The following MMP15 variants were observed in gnomAD, a reference collection of about 807,000 sequenced individuals.
The protein encoded by MMP15 is matrix metallopeptidase 15.
A neutral mutation model predicts 65.0 loss-of-function variants in MMP15; 36 were observed. That is an observed-to-expected ratio of 0.55 (90% CI 0.42 to 0.73). MMP15 has a LOEUF of 0.73. Among genes scored for constraint, MMP15 ranks in the 30% least tolerant of loss-of-function variants. The pLI is 0.00. For missense variants in MMP15, 870 were observed against 987.8 expected (o/e 0.88, Z 1.60); for synonymous variants, 428 against 410.2 (o/e 1.04, Z -0.52).
intron 9 of MMP15, 40 bp from the exon 10 acceptor site, chr16:58,044,967 G>A (rs62041801): frequency 6.8e-5 from 109 of 1,610,138 alleles, no homozygotes; most frequent in Middle Eastern, 1.6e-4. Flanking sequence ...CTGGTGGTTC[G>A]GCTCAACCTG....
intron 1 of MMP15, 96 bp downstream of exon 1, chr16:58,026,608 G>T: frequency 8.1e-7 from 1 of 1,234,442 alleles, no homozygotes; most frequent in East Asian, 3.2e-5. Flanking sequence ...AGGGAGCGGA[G>T]ACGCGCCCCC....
At chr16:58,029,859 C>T (rs1963871641) in intron 1 of MMP15, among the ~76,000 whole-genome samples, 1 of 152,156 alleles carries the variant, frequency 6.6e-6, no homozygotes, top group South Asian at 2.1e-4. Flanking sequence ...CCACTGCTAT[C>T]TCTTATGCCC....
chr16:58,041,902 G>A, intron 6 of MMP15, 32 bp downstream of exon 6: 9 of 1,541,950 alleles, frequency 5.8e-6, no homozygotes, highest in Non-Finnish European at 7.9e-6. Flanking sequence ...CTGGCCCTGA[G>A]CCTTTTCCCT....
chr16:58,029,190 G>A (rs1377363590), intron 1 of MMP15, among the ~76,000 whole-genome samples: 1 of 152,244 alleles, frequency 6.6e-6, no homozygotes, highest in African/African-American at 2.4e-5. Context: ...ATGAGGCAGC[G>A]GGGGTGGGGG....
chr16:58,040,780 A>G, intron 5 of MMP15, 82 bp downstream of exon 5: 1 of 1,585,382 alleles, frequency 6.3e-7, no homozygotes, highest in Non-Finnish European at 8.6e-7. Context: ...TGCCATCCCC[A>G]TTTTGTAGAT....
Position 58,043,329 on chromosome 16 carries a change from A to C in MMP15, c.1423A>C (p.Thr475Pro). The part of the protein sequence containing the change: ...RIDTAIWWEP[T>P]GHTFFFQEDR... ...TGACACGGCCATCTGGTGGGAGCCC[A>C]CAGGCCACACCTTCTTCTTCCAAGA... Residue 475 changes from threonine to proline, a missense_variant, in exon 8 of 10, where the codon ACA (threonine) becomes CCA (proline). Coordinates refer to ENST00000219271, the MANE Select transcript of MMP15 (RefSeq NM_002428.4). The C allele has an allele frequency of 6.2e-7, 1 of 1,605,388 alleles. No individual in the cohort carries two copies. Among genetic ancestry groups the C allele is most frequent in the Non-Finnish European group, 8.5e-7 (1 of 1,174,832 alleles).
At chr16:58,043,164 C>T in intron 7 of MMP15, 46 bp from the exon 8 acceptor site, 2 of 1,503,652 alleles carry the variant, frequency 1.3e-6, no homozygotes, top group Non-Finnish European at 1.8e-6. Context: ...GCACACACCC[C>T]TCAGCCCCAG....
intron 1 of MMP15, among the ~76,000 whole-genome samples, chr16:58,029,282 C>T (rs1034768876): frequency 3.9e-5 from 6 of 152,258 alleles, no homozygotes; most frequent in African/African-American, 1.4e-4. Flanking sequence ...TCAGTCTCTA[C>T]TAGCACTTCC....
intron 2 of MMP15, 34 bp downstream of exon 2, chr16:58,037,654 A>G (rs756253969): frequency 6.2e-7 from 1 of 1,613,484 alleles, no homozygotes; most frequent in South Asian, 1.1e-5. Context: ...CCCCACAGGC[A>G]CCTGCCTTCC....
Position 58,040,044 on chromosome 16 carries a change from G to T in MMP15, c.610G>T (p.Gly204Cys). The T allele has an allele frequency of 6.2e-7, 1 of 1,614,166 alleles. No individual in the cohort carries two copies. Among genetic ancestry groups the T allele is most frequent in the Admixed American group, 1.7e-5 (1 of 60,034 alleles). ...EADIMVLFAS[G>C]FHGDSSPFDG... ...CGACATCATGGTACTCTTTGCCTCT[G>T]GCTTCCACGGCGACAGCTCGCCGTT... The change falls in exon 4 of 10, where the codon GGC becomes TGC. Residue 204 changes from glycine (G) to cysteine (C), a missense_variant. Transcript: ENST00000219271.
chr16:58,043,300 G>T lies in MMP15; in HGVS notation c.1394G>T (p.Arg465Leu). Residue 465 changes from arginine (R) to leucine (L), a missense_variant, in exon 8 of 10, where the codon CGC becomes CTC. By Grantham distance (102) the Arg-to-Leu change is moderately radical (BLOSUM62 -2). Coordinates refer to ENST00000219271, the MANE Select transcript of MMP15 (RefSeq NM_002428.4). ...TATGGCCTGGGCATCCCCTATGACCGCATTGACACGGCCATCTGGTGGGAG... is the reference window on the plus strand; with the variant it reads ...TATGGCCTGGGCATCCCCTATGACCTCATTGACACGGCCATCTGGTGGGAG... Reference protein sequence around the residue: ...TSYGLGIPYDRIDTAIWWEPT... With the variant: ...TSYGLGIPYDLIDTAIWWEPT... The T allele has an allele frequency of 1.9e-6, 3 of 1,604,812 alleles. No individual in the cohort carries two copies. Among genetic ancestry groups the T allele is most frequent in the South Asian group, 1.1e-5 (1 of 89,646 alleles).
chr16:58,040,055 C>T lies in MMP15; in HGVS notation c.621C>T (p.Gly207=), dbSNP rs763783085. Residue 207 remains glycine, a synonymous_variant, in exon 4 of 10, where the codon GGC becomes GGT. Transcript: ENST00000219271. ...TACTCTTTGCCTCTGGCTTCCACGG[C>T]GACAGCTCGCCGTTTGATGGCACCG... ...IMVLFASGFH[G]DSSPFDGTGG... 2.5e-6 allele frequency: 4 copies of T among 1,614,138 alleles called. No individual in the cohort carries two copies. Among genetic ancestry groups the T allele is most frequent in the South Asian group, 2.2e-5 (2 of 91,088 alleles).
chr16:58,040,862 A>G (rs1370304375), intron 5 of MMP15, 164 bp downstream of exon 5: 1 of 1,117,386 alleles, frequency 8.9e-7, no homozygotes, highest in African/African-American at 1.5e-5. Context: ...GGTACTGGAA[A>G]TGAAACCCAG....
At chr16:58,037,418 T>C (rs1959352473) in intron 1 of MMP15, 54 bp from the exon 2 acceptor site, 8 of 1,594,414 alleles carry the variant, frequency 5.0e-6, no homozygotes, top group Admixed American at 1.7e-5. Flanking sequence ...AGGCTGTGCA[T>C]GTTTGGAGGT....
chr16:58,043,587 C>T lies in MMP15; in HGVS notation c.1530C>T (p.Ile510=). The T allele has an allele frequency of 6.2e-7, 1 of 1,613,474 alleles. No homozygotes were observed. The highest frequency in any genetic ancestry group is 8.5e-7 in the Non-Finnish European group (1 of 1,179,754). The change falls in exon 9 of 10, where the codon ATC becomes ATT. Residue 510 remains isoleucine, a synonymous_variant. Coordinates refer to ENST00000219271, the MANE Select transcript of MMP15 (RefSeq NM_002428.4). ...AGCCCATCAGTGTCTGGCAGGGGATCCCTGCCTCCCCTAAAGGGGCCTTCC... is the reference window on the plus strand; with the variant it reads ...AGCCCATCAGTGTCTGGCAGGGGATTCCTGCCTCCCCTAAAGGGGCCTTCC... The part of the protein sequence containing the change: ...YPKPISVWQG[I]PASPKGAFLS...
In MMP15 at chr16:58,040,670, C is replaced by T. The variant is rs372449459; in HGVS notation, c.882C>T (p.Asp294=). Residue 294 remains aspartate (D), a synonymous_variant, in exon 5 of 10, where the codon GAC becomes GAT. Coordinates refer to ENST00000219271, the MANE Select transcript of MMP15 (RefSeq NM_002428.4). ...KDVDNFKLPE[D]DLRGIQQLYG... Reference sequence around the variant, plus strand: ...TTGACAACTTCAAGCTGCCCGAGGACGATCTCCGTGGCATCCAGCAGCTCT... The same window carrying T: ...TTGACAACTTCAAGCTGCCCGAGGATGATCTCCGTGGCATCCAGCAGCTCT... The T allele has an allele frequency of 3.5e-5, 57 of 1,614,192 alleles. No homozygotes were observed. Among genetic ancestry groups the T allele is most frequent in the Admixed American group, 2.3e-4 (14 of 60,038 alleles).
At position 58,026,114 on chromosome 16, in the gene MMP15, G is replaced by A. The variant is rs1294976874; in HGVS notation, c.-237G>A. 5 of 391,486 alleles carry A rather than the reference G, an allele frequency of 1.3e-5. No homozygotes were observed. The highest frequency in any genetic ancestry group is 1.1e-4 in the East Asian group (3 of 26,172). 24.3% of individuals were successfully genotyped at this position (391,486 alleles called of 1,614,324 possible). On this transcript the variant is annotated 5_prime_UTR_variant, in exon 1 of 10. Coordinates refer to ENST00000219271, the MANE Select transcript of MMP15 (RefSeq NM_002428.4). The stretch of plus-strand genomic sequence containing the variant: ...GCCGAGGCTGCGGAACCTCGCCGGG[G>A]GCAGCTCCGGTCGGCCCCCTTTCCC...
rs1387390904 is a variant in MMP15, at chr16:58,040,234, G to T, written c.748+52G>T. On this transcript the variant is annotated intron_variant, in intron 4 of 9. Coordinates refer to ENST00000219271, the MANE Select transcript of MMP15 (RefSeq NM_002428.4). ...GCAGGGCAGGTGGCCCCGGAGCTGG[G>T]CAACAACACCCTGCTGAGTGGGTTC... The T allele has an allele frequency of 3.9e-6, 6 of 1,551,516 alleles. No homozygotes were observed. The Admixed American group carries it at 7.1e-5, about 18-fold the overall frequency.
At position 58,039,985 on chromosome 16, in the gene MMP15, A is replaced by G. The variant is rs762594895; in HGVS notation, c.551A>G (p.Tyr184Cys). The change falls in exon 4 of 10, where the codon TAT becomes TGT. Residue 184 changes from tyrosine (Y) to cysteine (C), a missense_variant. Physicochemically the swap from Tyr to Cys is radical, Grantham distance 194. Coordinates refer to ENST00000219271, the MANE Select transcript of MMP15 (RefSeq NM_002428.4). ...ATPLVFQEVP[Y>C]EDIRLRRQKE... Reference sequence around the variant, plus strand: ...CCCCTGGTCTTCCAGGAGGTGCCCTATGAGGACATCCGGCTGCGGCGACAG... The same window carrying G: ...CCCCTGGTCTTCCAGGAGGTGCCCTGTGAGGACATCCGGCTGCGGCGACAG... 3.7e-6 allele frequency: 6 copies of G among 1,613,914 alleles called. No homozygotes were observed. Among genetic ancestry groups the G allele is most frequent in the East Asian group, 2.2e-5 (1 of 44,898 alleles).
Sources: allele counts gnomAD v4.1 joint callset (sites outside exome capture counted in the v4.1 genomes callset), GRCh38; gene constraint gnomAD v4.1.1; transcripts MANE v1.5; gene names NCBI Gene and HGNC (gene_info 2026-07-23, HGNC 2026-07-21).